Variants in TENM3 observed in about 807,000 individuals in gnomAD.
TENM3 encodes teneurin-3.
TENM3 carries 63 observed loss-of-function variants against 255.1 expected under a neutral mutation model. The observed-to-expected ratio is 0.25, with a 90% CI of 0.20 to 0.30. The LOEUF is 0.30. Ranked by LOEUF, TENM3 falls within the 10% of genes least tolerant of loss-of-function variation. TENM3 has a pLI of 1.00. For synonymous variants in TENM3, 1,306 were observed against 1,322.3 expected, an observed-to-expected ratio of 0.99 and a Z score of 0.27; for missense variants, 2,929 against 3,461.1, an observed-to-expected ratio of 0.85 and a Z score of 3.86.
chr4:182,152,564 T>C (rs1021401164), intron 1 of TENM3, among the ~76,000 whole-genome samples: 11 of 151,848 alleles, frequency 7.2e-5, no homozygotes, highest in Non-Finnish European at 1.3e-4. Context: ...TCCTAGAATA[T>C]ACAATCTCTG....
chr4:182,027,999 G>A, the TENM3 span, among the ~76,000 whole-genome samples: 1 of 152,052 alleles, frequency 6.6e-6, no homozygotes. Context: ...TTGTTAGGAA[G>A]CATTGTCTAC....
At chr4:182,384,863 G>A (rs1327497284) in intron 3 of TENM3, among the ~76,000 whole-genome samples, 1 of 151,946 alleles carries the variant, frequency 6.6e-6, no homozygotes, top group African/African-American at 2.4e-5. Context: ...TTTGGCTACA[G>A]TGTTTAAAAC....
At chr4:182,070,476 G>T in the TENM3 span, among the ~76,000 whole-genome samples, 1 of 152,072 alleles carries the variant, frequency 6.6e-6, no homozygotes, top group Non-Finnish European at 1.5e-5. Flanking sequence ...AATTAGTTGG[G>T]TGTAGCGGCA....
intron 3 of TENM3, among the ~76,000 whole-genome samples, chr4:182,531,977 A>C (rs767548882): frequency 3.3e-5 from 5 of 152,164 alleles, no homozygotes; most frequent in Non-Finnish European, 1.5e-5. Context: ...AGGCCTTTTA[A>C]AGCCGTCTCG....
chr4:182,428,804 T>TA (rs1226380466), intron 3 of TENM3, among the ~76,000 whole-genome samples: 3 of 152,116 alleles, frequency 2.0e-5, no homozygotes, highest in East Asian at 1.9e-4. Context: ...AGAAATAATA[T>TA]AAAAAAATTA....
At chr4:181,691,528 G>A in the TENM3 span, among the ~76,000 whole-genome samples, 1 of 152,052 alleles carries the variant, frequency 6.6e-6, no homozygotes, top group East Asian at 1.9e-4. Flanking sequence ...TGAATTGTGT[G>A]TAACTTGCCT....
At chr4:182,116,912 A>C in the TENM3 span, among the ~76,000 whole-genome samples, 1 of 152,234 alleles carries the variant, frequency 6.6e-6, no homozygotes, top group Non-Finnish European at 1.5e-5. Flanking sequence ...TACCAGCAGC[A>C]ATAAATGAAA....
the TENM3 span, among the ~76,000 whole-genome samples, chr4:181,990,294 CTCT>C: frequency 6.6e-6 from 1 of 152,136 alleles, no homozygotes; most frequent in Non-Finnish European, 1.5e-5. Flanking sequence ...CTGGAAATGT[CTCT>C]TCTTCTGAAG....
At chr4:181,886,201 T>C in the TENM3 span, among the ~76,000 whole-genome samples, 1 of 151,968 alleles carries the variant, frequency 6.6e-6, no homozygotes, top group Non-Finnish European at 1.5e-5. Context: ...TACAGGCGCG[T>C]GCCACCACAC....
At chr4:181,683,908 G>T in the TENM3 span, among the ~76,000 whole-genome samples, 3 of 152,178 alleles carry the variant, frequency 2.0e-5, no homozygotes, top group Non-Finnish European at 1.5e-5. Flanking sequence ...TTTTCTTTAA[G>T]CTGAGGTTAA....
At chr4:182,124,948 T>TTCCA in the TENM3 span, among the ~76,000 whole-genome samples, 1 of 145,756 alleles carries the variant, frequency 6.9e-6, no homozygotes, top group East Asian at 2.0e-4. Flanking sequence ...TACTCGCCCC[T>TTCCA]GCTGGGATGG....
the TENM3 span, among the ~76,000 whole-genome samples, chr4:181,628,957 C>T: frequency 6.6e-6 from 1 of 152,114 alleles, no homozygotes. Context: ...TTGATTCTTC[C>T]TACCCATGAG....
the TENM3 span, among the ~76,000 whole-genome samples, chr4:182,138,129 G>A: frequency 3.3e-5 from 5 of 152,148 alleles, no homozygotes; most frequent in Non-Finnish European, 5.9e-5. Context: ...TTTACCCAGA[G>A]ATCATTTTTA....
At chr4:182,304,272 G>C (rs1762007998) in intron 1 of TENM3, among the ~76,000 whole-genome samples, 1 of 152,046 alleles carries the variant, frequency 6.6e-6, no homozygotes, top group South Asian at 2.1e-4. Context: ...GAGTGCAGTG[G>C]TACGATCTTG....
At chr4:182,635,662 G>A (rs1273528113) in intron 5 of TENM3, among the ~76,000 whole-genome samples, 2 of 151,968 alleles carry the variant, frequency 1.3e-5, no homozygotes, top group Non-Finnish European at 2.9e-5. Context: ...TATTTCCTTT[G>A]AACAGCTGCT....
chr4:181,683,776 C>T, the TENM3 span, among the ~76,000 whole-genome samples: 4 of 152,084 alleles, frequency 2.6e-5, no homozygotes, highest in African/African-American at 9.7e-5. Flanking sequence ...CTGTACTACC[C>T]GATGACGGAC....
chr4:181,754,708 C>G, the TENM3 span, among the ~76,000 whole-genome samples: 2 of 152,130 alleles, frequency 1.3e-5, no homozygotes, highest in African/African-American at 4.8e-5. Flanking sequence ...GAACCATGTT[C>G]TGGAGGGCCT....
intron 3 of TENM3, among the ~76,000 whole-genome samples, chr4:182,511,751 A>G (rs146778778): frequency 0.027 from 4,165 of 152,314 alleles, 83 homozygotes; most frequent in Non-Finnish European, 0.045. Flanking sequence ...TTTTAAAACT[A>G]TGGCCTTAAA....
the TENM3 span, among the ~76,000 whole-genome samples, chr4:181,721,771 G>A: frequency 2.0e-5 from 3 of 151,910 alleles, no homozygotes; most frequent in Admixed American, 6.6e-5. Context: ...GGCCTAGTGT[G>A]GGCAATAAGG....
Sources: gnomAD v4.1 joint callset for allele counts (sites outside exome capture counted in the v4.1 genomes callset) on GRCh38, gnomAD v4.1.1 for gene constraint, MANE v1.5 for transcripts, NCBI Gene and HGNC (gene_info 2026-07-23, HGNC 2026-07-21) for gene names.